The following SEM1 variants were observed in gnomAD, a reference collection of about 807,000 sequenced individuals.
The protein encoded by SEM1 is 26S proteasome complex subunit SEM1.
SEM1 carries 3 observed loss-of-function variants against 12.7 expected under a neutral mutation model. The ratio of observed to expected loss-of-function variants is 0.24; its 90% CI spans 0.11 to 0.61. SEM1 has a LOEUF of 0.61. SEM1 is among the 20% of genes least tolerant of loss of function. The probability of loss-of-function intolerance (pLI) is 0.88; values close to 1 mark genes in which losing one functional copy is unlikely to be tolerated. For synonymous variants in SEM1, 30 were observed against 27.8 expected (o/e 1.08, Z -0.25); for missense variants, 59 against 81.3 (o/e 0.73, Z 1.06).
At chr7:96,618,959 AAACT>A (rs1563085204), downstream of SEM1, among the ~76,000 whole-genome samples, 1 of 152,158 alleles carries the variant, frequency 6.6e-6, no homozygotes. Flanking sequence ...TTAAAAAAAC[AAACT>A]ATCTATCTTC....
chr7:96,683,591 T>C (rs559705410), intron 2 of SEM1, among the ~76,000 whole-genome samples: 22 of 152,334 alleles, frequency 1.4e-4, no homozygotes, highest in South Asian at 1.2e-3. Flanking sequence ...CGTATGTTTA[T>C]TGCAGCACTG....
chr7:96,559,970 ACACT>A (rs1305725868), intron 2 of SEM1, among the ~76,000 whole-genome samples: 2 of 152,204 alleles, frequency 1.3e-5, no homozygotes, highest in African/African-American at 4.8e-5. Flanking sequence ...AGGTCACCAG[ACACT>A]CAATAGAAAA....
chr7:96,663,396 A>G (rs1312726913), intron 2 of SEM1, among the ~76,000 whole-genome samples: 1 of 152,238 alleles, frequency 6.6e-6, no homozygotes, highest in Non-Finnish European at 1.5e-5. Flanking sequence ...GGTGGAATTA[A>G]AGGTGCAAGA....
chr7:96,660,750 A>G (rs968366415), intron 2 of SEM1, among the ~76,000 whole-genome samples: 3 of 152,162 alleles, frequency 2.0e-5, no homozygotes, highest in African/African-American at 7.2e-5. Flanking sequence ...TCCATATTCA[A>G]CACCTGAAGA....
chr7:96,556,042 G>C (rs953969685), intron 2 of SEM1, among the ~76,000 whole-genome samples: 2 of 151,048 alleles, frequency 1.3e-5, no homozygotes, highest in Non-Finnish European at 3.0e-5. Context: ...CCATTTGCTT[G>C]GTAGATCTTC....
At chr7:96,534,725 A>G (rs1804738308) in intron 2 of SEM1, among the ~76,000 whole-genome samples, 1 of 152,064 alleles carries the variant, frequency 6.6e-6, no homozygotes, top group Non-Finnish European at 1.5e-5. Flanking sequence ...CAATAGATGG[A>G]ATGCAGAAGC....
intron 2 of SEM1, among the ~76,000 whole-genome samples, chr7:96,548,861 C>T (rs1479930947): frequency 6.6e-6 from 1 of 152,110 alleles, no homozygotes; most frequent in Non-Finnish European, 1.5e-5. Flanking sequence ...TGCTCAGCAA[C>T]AGAAGCAGAT....
chr7:96,614,760 G>A (rs548789756), intron 2 of SEM1, among the ~76,000 whole-genome samples: 1 of 152,288 alleles, frequency 6.6e-6, no homozygotes, highest in African/African-American at 2.4e-5. Context: ...CCAACTGATA[G>A]CTCTGGGTTT....
chr7:96,588,353 AACACACACACACAC>A (rs56655484), intron 2 of SEM1, among the ~76,000 whole-genome samples: 42,859 of 140,506 alleles, frequency 0.31, 7,424 homozygotes, highest in East Asian at 0.55. Flanking sequence ...TCTAAAAACA[AACACACACACACAC>A]ACACACACAC....
downstream of SEM1, among the ~76,000 whole-genome samples, chr7:96,619,410 A>G (rs1222940203): frequency 2.0e-5 from 3 of 152,056 alleles, no homozygotes; most frequent in South Asian, 6.2e-4. Flanking sequence ...CATAGCTATT[A>G]GCTGAGGTTG....
chr7:96,614,375 T>C (rs990987750), intron 2 of SEM1, among the ~76,000 whole-genome samples: 8 of 152,184 alleles, frequency 5.3e-5, no homozygotes, highest in African/African-American at 1.7e-4. Context: ...CTCACTCTGC[T>C]CTAAGCAGTT....
chr7:96,577,412 G>A (rs574619241), intron 2 of SEM1, among the ~76,000 whole-genome samples: 1 of 151,986 alleles, frequency 6.6e-6, no homozygotes, highest in African/African-American at 2.4e-5. Context: ...AGGTAAAAAT[G>A]TTACGATTAA....
intron 2 of SEM1, among the ~76,000 whole-genome samples, chr7:96,691,068 G>A (rs982050283): frequency 6.6e-6 from 1 of 152,260 alleles, no homozygotes. Context: ...ACTGCGCCTG[G>A]CCTATACTGG....
intron 2 of SEM1, among the ~76,000 whole-genome samples, chr7:96,583,011 CTAT>C (rs982731715): frequency 2.6e-5 from 4 of 152,146 alleles, no homozygotes; most frequent in African/African-American, 9.7e-5. Context: ...TTGCCTTCTG[CTAT>C]CTTTTGAATG....
At chr7:96,557,313 G>T (rs1324853161) in intron 2 of SEM1, among the ~76,000 whole-genome samples, 92 of 145,818 alleles carry the variant, frequency 6.3e-4, no homozygotes, top group East Asian at 1.5e-3. Flanking sequence ...TTTCCCCATC[G>T]TTGTGGTTTT....
intron 2 of SEM1, among the ~76,000 whole-genome samples, chr7:96,549,401 C>T (rs10953183): frequency 0.61 from 93,341 of 152,014 alleles, 29,405 homozygotes; most frequent in Non-Finnish European, 0.69. Flanking sequence ...AGGGCACTTT[C>T]GTGATCCAAT....
At chr7:96,647,120 T>C (rs1158741755) in intron 2 of SEM1, among the ~76,000 whole-genome samples, 1 of 152,234 alleles carries the variant, frequency 6.6e-6, no homozygotes, top group Non-Finnish European at 1.5e-5. Flanking sequence ...TCCCTAACTC[T>C]GTTTCCATGT....
intron 3 of SEM1, among the ~76,000 whole-genome samples, chr7:96,506,067 C>T (rs563440975): frequency 3.2e-4 from 49 of 152,096 alleles, no homozygotes; most frequent in Non-Finnish European, 6.0e-4. Flanking sequence ...TCTGAATTGA[C>T]GCACTACTTA....
chr7:96,526,580 C>T (rs1298863912), intron 2 of SEM1, among the ~76,000 whole-genome samples: 1 of 152,088 alleles, frequency 6.6e-6, no homozygotes, highest in African/African-American at 2.4e-5. Context: ...GCAGGGAAAG[C>T]CACCAGGACA....
Sources: allele counts gnomAD v4.1 joint callset (sites outside exome capture counted in the v4.1 genomes callset), GRCh38; gene constraint gnomAD v4.1.1; transcripts MANE v1.5; gene names NCBI Gene and HGNC (gene_info 2026-07-23, HGNC 2026-07-21).